The following R3HDM2 variants were observed in gnomAD, a reference collection of about 807,000 sequenced individuals.
The protein encoded by R3HDM2 is R3H domain containing 2.
R3HDM2 carries 38 observed loss-of-function variants against 124.5 expected under a neutral mutation model. That is an observed-to-expected ratio of 0.31 (90% CI 0.24 to 0.40). R3HDM2 has a LOEUF of 0.40. R3HDM2 is among the 10% of genes least tolerant of loss of function. R3HDM2 has a pLI of 1.00. For missense variants in R3HDM2, 869 were observed against 1,236.9 expected (o/e 0.70, Z 4.46); for synonymous variants, 391 against 448.0 (o/e 0.87, Z 1.61).
At position 57,258,028 on chromosome 12, in the gene R3HDM2, A is replaced by G; in HGVS notation, c.2411T>C (p.Val804Ala). Residue 804 changes from valine (V) to alanine (A), a missense_variant, in exon 21 of 24, where the codon GTC (valine) becomes GCC (alanine). Coordinates refer to ENST00000402412, the MANE Select transcript of R3HDM2 (RefSeq NM_001394031.1). ...CCCAGGCCGGGGGAACTGTGTGAGG[A>G]CAGGCAGGGGACTGAGTCCTGTGCA... ...SVCTGLSPLP[V>A]LTQFPRPGGP... 1 of 1,588,560 alleles carries G rather than the reference A, an allele frequency of 6.3e-7. No homozygotes were observed. The highest frequency in any genetic ancestry group is 8.6e-7 in the Non-Finnish European group (1 of 1,162,516).
chr12:57,282,375 G>T (rs1424593661), intron 13 of R3HDM2, among the ~76,000 whole-genome samples: 1 of 152,138 alleles, frequency 6.6e-6, no homozygotes, highest in Non-Finnish European at 1.5e-5. Context: ...TGGCAAACTG[G>T]AGTCAGGAAG....
intron 12 of R3HDM2, among the ~76,000 whole-genome samples, chr12:57,285,971 T>C (rs1334762339): frequency 1.3e-5 from 2 of 152,202 alleles, no homozygotes; most frequent in Non-Finnish European, 2.9e-5. Flanking sequence ...TGCCTGATGA[T>C]CTGACTAACC....
At chr12:57,269,165 TTTTATC>T in intron 16 of R3HDM2, 83 bp from the exon 17 acceptor site, 1 of 1,568,330 alleles carries the variant, frequency 6.4e-7, no homozygotes, top group South Asian at 1.2e-5. Flanking sequence ...CTCCATTCTA[TTTTATC>T]TTTCTTTTTC....
intron 2 of R3HDM2, among the ~76,000 whole-genome samples, chr12:57,344,256 C>T (rs1203129164): frequency 1.3e-5 from 2 of 152,114 alleles, no homozygotes; most frequent in South Asian, 4.1e-4. Context: ...ATCTAAATAG[C>T]AATGCAAAGC....
chr12:57,424,711 T>G (rs1190335003), intron 1 of R3HDM2, among the ~76,000 whole-genome samples: 1 of 152,184 alleles, frequency 6.6e-6, no homozygotes, highest in East Asian at 1.9e-4. Flanking sequence ...CTAGCCTTTT[T>G]GGGGTTTTTA....
chr12:57,284,007 T>C lies in R3HDM2; in HGVS notation c.988A>G (p.Thr330Ala), dbSNP rs1375195746. The change falls in exon 13 of 24, where the codon ACA (threonine) becomes GCA (alanine). Residue 330 changes from threonine (T) to alanine (A), a missense_variant. Transcript: ENST00000402412. ...SRTSSSRQSS[T>A]DSELKSLEPR... ...TCCAGGGATTTGAGTTCGCTGTCTG[T>C]GCTGCTCTGGCGGCTGCTTGAGGTG... 1.2e-6 allele frequency: 2 copies of C among 1,613,576 alleles called. No homozygotes were observed. Among genetic ancestry groups the C allele is most frequent in the African/African-American group, 2.7e-5 (2 of 74,926 alleles).
intron 2 of R3HDM2, among the ~76,000 whole-genome samples, chr12:57,366,929 C>T (rs1413637870): frequency 3.9e-5 from 6 of 152,172 alleles, no homozygotes; most frequent in East Asian, 1.9e-4. Context: ...CCTCATGATC[C>T]GCCCGCCTTT....
chr12:57,372,907 A>C (rs2138013101), intron 2 of R3HDM2, among the ~76,000 whole-genome samples: 1 of 152,326 alleles, frequency 6.6e-6, no homozygotes, highest in Middle Eastern at 3.4e-3. Flanking sequence ...CCCAGATTTA[A>C]ATTAAACTCC....
chr12:57,301,846 G>C (rs1359523928), intron 4 of R3HDM2, among the ~76,000 whole-genome samples: 1 of 152,154 alleles, frequency 6.6e-6, no homozygotes, highest in African/African-American at 2.4e-5. Context: ...ATACTTTACT[G>C]CTTCCCAGCT....
intron 2 of R3HDM2, among the ~76,000 whole-genome samples, chr12:57,360,324 G>A (rs1417482245): frequency 6.6e-6 from 1 of 151,748 alleles, no homozygotes; most frequent in Non-Finnish European, 1.5e-5. Context: ...CACTGTGCCT[G>A]GTCTCAGTAA....
intron 2 of R3HDM2, among the ~76,000 whole-genome samples, chr12:57,369,576 T>C (rs2063073031): frequency 6.6e-6 from 1 of 152,202 alleles, no homozygotes; most frequent in Non-Finnish European, 1.5e-5. Flanking sequence ...GTCTCCAAAA[T>C]GTAATTTCAA....
At chr12:57,382,536 G>A (rs1487101397) in intron 2 of R3HDM2, among the ~76,000 whole-genome samples, 7 of 108,826 alleles carry the variant, frequency 6.4e-5, no homozygotes, top group Admixed American at 1.2e-4. Context: ...CGTGAGCCCA[G>A]CCTACAAAAA....
intron 2 of R3HDM2, among the ~76,000 whole-genome samples, chr12:57,375,263 G>C (rs1002142948): frequency 6.6e-6 from 1 of 151,962 alleles, no homozygotes. Context: ...GACAATATAA[G>C]ACAATTTTTA....
chr12:57,323,796 T>C (rs1168354897), intron 2 of R3HDM2, among the ~76,000 whole-genome samples: 2 of 152,178 alleles, frequency 1.3e-5, no homozygotes, highest in African/African-American at 4.8e-5. Flanking sequence ...TGGTTAAAAA[T>C]GCCCTTTTTA....
At chr12:57,283,743 A>G in intron 13 of R3HDM2, 81 bp downstream of exon 13, 1 of 1,435,708 alleles carries the variant, frequency 7.0e-7, no homozygotes, top group Non-Finnish European at 9.7e-7. Flanking sequence ...GTCTCAAAAA[A>G]AAAAGTAAAT....
At chr12:57,366,691 GTTGTT>G (rs1044575273) in intron 2 of R3HDM2, among the ~76,000 whole-genome samples, 12 of 151,680 alleles carry the variant, frequency 7.9e-5, no homozygotes, top group Non-Finnish European at 1.2e-4. Context: ...TTTTGCTGTT[GTTGTT>G]TTGTTTTTTT....
chr12:57,298,223 T>C (rs1012457756), intron 6 of R3HDM2, 55 bp from the exon 7 acceptor site: 9 of 1,339,094 alleles, frequency 6.7e-6, no homozygotes, highest in Non-Finnish European at 6.3e-6. Flanking sequence ...TTGCATGCTA[T>C]CTAATCCTAA....
chr12:57,355,561 C>T (rs1215797869), intron 2 of R3HDM2, among the ~76,000 whole-genome samples: 1 of 151,720 alleles, frequency 6.6e-6, no homozygotes, highest in Non-Finnish European at 1.5e-5. Flanking sequence ...AATCAACTGA[C>T]ATGTTTATTT....
intron 2 of R3HDM2, among the ~76,000 whole-genome samples, chr12:57,353,435 A>C (rs549978684): frequency 6.6e-6 from 1 of 152,230 alleles, no homozygotes; most frequent in South Asian, 2.1e-4. Context: ...ACCACCAAAA[A>C]CTTTAAAAAA....
Sources: allele counts gnomAD v4.1 joint callset (sites outside exome capture counted in the v4.1 genomes callset), GRCh38; gene constraint gnomAD v4.1.1; transcripts MANE v1.5; gene names NCBI Gene and HGNC (gene_info 2026-07-23, HGNC 2026-07-21).